Variants in SETDB2 observed in about 807,000 individuals in gnomAD.
The protein encoded by SETDB2 is SET domain bifurcated histone lysine methyltransferase 2.
In SETDB2, 56 loss-of-function variants were observed where a neutral mutation model predicts 82.5. The ratio of observed to expected loss-of-function variants is 0.68; its 90% CI spans 0.55 to 0.85. The LOEUF (loss-of-function observed/expected upper bound fraction) is 0.85. Among genes scored for constraint, SETDB2 ranks in the 40% least tolerant of loss-of-function variants. SETDB2 has a pLI of 0.00. For synonymous variants in SETDB2, 272 were observed against 284.9 expected (o/e 0.95, Z 0.46); for missense variants, 677 against 816.4 (o/e 0.83, Z 2.08).
Position 49,477,014 on chromosome 13 carries a change from G to C in SETDB2, c.844G>C (p.Asp282His). 6.2e-7 allele frequency: 1 copy of C among 1,607,540 alleles called. No homozygotes were observed. The highest frequency in any genetic ancestry group is 8.5e-7 in the Non-Finnish European group (1 of 1,178,708). ...TTCCAGCATGTTTACTGATTCCTGT[G>C]ACTGCTCTGAGGGCTGCATAGACAT... ...NFSSMFTDSCDCSEGCIDITK... is the reference protein window; with the variant it reads ...NFSSMFTDSCHCSEGCIDITK... Residue 282 changes from aspartate (D) to histidine (H), a missense_variant, in exon 6 of 14, where the codon GAC becomes CAC. By Grantham distance (81) the Asp-to-His change is moderately conservative. Around this residue, in one of 3 missense-constraint regions of SETDB2, gnomAD observed 420 missense variants for 554.6 expected, o/e 0.76. Coordinates refer to ENST00000611815, the MANE Select transcript of SETDB2 (RefSeq NM_001160308.3).
In SETDB2 at chr13:49,493,904, A is replaced by G. The variant is rs1958757941; in HGVS notation, c.*2055A>G. 1.3e-5 allele frequency: 2 copies of G among 152,110 alleles called. No individual in the cohort carries two copies. Among genetic ancestry groups the G allele is most frequent in the African/African-American group, 4.8e-5 (2 of 41,404 alleles). 9.4% of individuals were successfully genotyped at this position (152,110 alleles called of 1,614,324 possible). ...AAGCTTATAGGTTTATCTTTGTCTC[A>G]ATGTTCTGTCCCTGTTAAGAGTCCA... On this transcript the variant is annotated 3_prime_UTR_variant, in exon 14 of 14. Transcript: ENST00000611815.
rs1156612611 is a variant in SETDB2, at chr13:49,476,971, A to G, written c.801A>G (p.Ala267=). 3 of 1,613,508 alleles carry G rather than the reference A, an allele frequency of 1.9e-6. No individual in the cohort carries two copies. The highest frequency in any genetic ancestry group is 2.5e-6 in the Non-Finnish European group (3 of 1,179,974). Residue 267 remains alanine, a synonymous_variant, in exon 6 of 14, where the codon GCA becomes GCG. Transcript: ENST00000611815. ...FKYRKTVWPR[A]YNLTNFSSMF... The stretch of plus-strand genomic sequence containing the variant: ...ACAGAAAGACTGTGTGGCCTCGAGC[A>G]TATAATCTAACCAACTTTTCCAGCA...
intron 6 of SETDB2, among the ~76,000 whole-genome samples, chr13:49,477,553 A>G (rs529638284): frequency 7.6e-4 from 116 of 152,406 alleles, no homozygotes; most frequent in African/African-American, 2.8e-3. Context: ...CATTTCTTCC[A>G]AGAATGCATA....
chr13:49,446,984 A>C (rs1957703117), intron 1 of SETDB2, among the ~76,000 whole-genome samples: 1 of 152,188 alleles, frequency 6.6e-6, no homozygotes, highest in Non-Finnish European at 1.5e-5. Flanking sequence ...TACATGTTCC[A>C]CAGGTAGTTT....
intron 5 of SETDB2, among the ~76,000 whole-genome samples, chr13:49,470,966 C>CTTTTTTT (rs55920370): frequency 3.7e-5 from 3 of 80,466 alleles, no homozygotes; most frequent in Non-Finnish European, 2.1e-5. Flanking sequence ...TTCTTTCTTT[C>CTTTTTTT]TTTTTTTTTT....
chr13:49,451,310 A>G (rs1205507082), intron 1 of SETDB2, among the ~76,000 whole-genome samples: 1 of 151,074 alleles, frequency 6.6e-6, no homozygotes, highest in Non-Finnish European at 1.5e-5. Context: ...TAGTAATATA[A>G]ATACAAATAT....
intron 11 of SETDB2, 155 bp downstream of exon 11, chr13:49,485,878 C>T (rs774026647): frequency 6.4e-6 from 5 of 782,914 alleles, no homozygotes; most frequent in South Asian, 2.8e-5. Context: ...AGCAAAATAT[C>T]GTGTGTGGGC....
At chr13:49,480,499 A>G (rs1958456178) in intron 7 of SETDB2, among the ~76,000 whole-genome samples, 164 bp downstream of exon 7, 1 of 152,232 alleles carries the variant, frequency 6.6e-6, no homozygotes, top group Non-Finnish European at 1.5e-5. Flanking sequence ...GTTCGTGGAA[A>G]TGGTAGTCAG....
chr13:49,458,174 C>T (rs192940248), intron 2 of SETDB2, among the ~76,000 whole-genome samples: 1 of 152,292 alleles, frequency 6.6e-6, no homozygotes, highest in Admixed American at 6.5e-5. Context: ...GCCTCGAACT[C>T]CTGGGCTCAA....
In SETDB2 at chr13:49,482,818, T is replaced by C. The variant is rs148270039; in HGVS notation, c.1238T>C (p.Ile413Thr). ...NGRDENTMKN[I>T]FSKKRKLEVA... ...AGAGATGAGAATACTATGAAAAATATATTTTCAAAAAAGAGGAAATTAGAA... is the reference window on the plus strand; with the variant it reads ...AGAGATGAGAATACTATGAAAAATACATTTTCAAAAAAGAGGAAATTAGAA... Residue 413 changes from isoleucine to threonine, a missense_variant, in exon 9 of 14, where the codon ATA becomes ACA. Around this residue, in one of 3 missense-constraint regions of SETDB2, gnomAD observed 420 missense variants for 554.6 expected, o/e 0.76. Transcript: ENST00000611815. 7.3e-4 allele frequency: 1,184 copies of C among 1,612,678 alleles called. No individual in the cohort carries two copies. Among genetic ancestry groups the C allele is most frequent in the Non-Finnish European group, 9.3e-4 (1,096 of 1,178,990 alleles).
intron 2 of SETDB2, among the ~76,000 whole-genome samples, chr13:49,458,652 C>T (rs1439774432): frequency 1.3e-5 from 2 of 152,198 alleles, no homozygotes; most frequent in East Asian, 3.8e-4. Context: ...AGTATTTGTA[C>T]GTTAATGACT....
At chr13:49,465,074 A>C (rs1318501596) in intron 4 of SETDB2, among the ~76,000 whole-genome samples, 1 of 148,606 alleles carries the variant, frequency 6.7e-6, no homozygotes, top group Non-Finnish European at 1.5e-5. Flanking sequence ...ACCCTGTCTA[A>C]AAAAAAAAAA....
chr13:49,480,836 A>C, intron 7 of SETDB2, 111 bp from the exon 8 acceptor site: 1 of 1,106,498 alleles, frequency 9.0e-7, no homozygotes, highest in East Asian at 2.4e-5. Flanking sequence ...CTCTACCTCT[A>C]AGAGCTTTCA....
chr13:49,470,966 C>CTTTCTTTTTTTTTTTTTTTT (rs10695231), intron 5 of SETDB2, among the ~76,000 whole-genome samples: 9 of 80,488 alleles, frequency 1.1e-4, no homozygotes, highest in African/African-American at 1.8e-4. Flanking sequence ...TTCTTTCTTT[C>CTTTCTTTTTTTTTTTTTTTT]TTTTTTTTTT....
chr13:49,467,339 G>A (rs895120025), intron 4 of SETDB2, among the ~76,000 whole-genome samples: 6 of 152,010 alleles, frequency 3.9e-5, no homozygotes, highest in African/African-American at 1.2e-4. Context: ...AGGTTGCAGT[G>A]AGCCAAGATC....
At chr13:49,490,457 C>CTA (rs2139001743) in intron 12 of SETDB2, among the ~76,000 whole-genome samples, 1 of 152,044 alleles carries the variant, frequency 6.6e-6, no homozygotes, top group South Asian at 2.1e-4. Flanking sequence ...ACCTTTAGCA[C>CTA]TAAAAACAAT....
At chr13:49,452,110 CTT>C (rs61091424) in intron 2 of SETDB2, among the ~76,000 whole-genome samples, 14 of 146,684 alleles carry the variant, frequency 9.5e-5, no homozygotes, top group African/African-American at 2.2e-4. Context: ...TTTTTGTAAA[CTT>C]TTTTTTTTTT....
Position 49,460,147 on chromosome 13 carries a change from A to C in SETDB2, c.57A>C (p.Gly19=). Residue 19 remains glycine, a synonymous_variant, in exon 3 of 14, where the codon GGA becomes GGC. Transcript: ENST00000611815. ...TCTGGATGGAGCTAGAAGATGATGG[A>C]AAAGTGGACTTCATTTTTGAACAAG... The part of the protein sequence containing the change: ...KTFWMELEDD[G]KVDFIFEQVQ... 6 of 1,613,444 alleles carry C rather than the reference A, an allele frequency of 3.7e-6. No homozygotes were observed. Among genetic ancestry groups the C allele is most frequent in the Non-Finnish European group, 5.1e-6 (6 of 1,179,616 alleles).
intron 5 of SETDB2, among the ~76,000 whole-genome samples, chr13:49,470,956 T>TTCTA (rs1958222076): frequency 7.9e-5 from 1 of 12,668 alleles, no homozygotes; most frequent in Non-Finnish European, 1.2e-4. Context: ...TTTGTTTTCT[T>TTCTA]TCTTTCTTTC....
Sources: gnomAD v4.1 joint callset for allele counts (sites outside exome capture counted in the v4.1 genomes callset) on GRCh38, gnomAD v4.1.1 for gene constraint, gnomAD v4.1.1 regional missense constraint, MANE v1.5 for transcripts, NCBI Gene and HGNC (gene_info 2026-07-23, HGNC 2026-07-21) for gene names.